The following SCIN variants were observed in gnomAD, a reference collection of about 807,000 sequenced individuals.
SCIN encodes the protein adseverin.
A neutral mutation model predicts 91.8 loss-of-function variants in SCIN; 91 were observed. That is an observed-to-expected ratio of 0.99 (90% CI 0.84 to 1.18). SCIN has a LOEUF of 1.18. Among genes scored for constraint, SCIN ranks in the 50% most tolerant of loss-of-function variants. The pLI is 0.00. For missense variants in SCIN, 1,087 were observed against 863.9 expected (o/e 1.26, Z -3.24); for synonymous variants, 367 against 312.6 (o/e 1.17, Z -1.84).
Position 12,578,180 on chromosome 7 carries a change from G to C in SCIN, c.316G>C (p.Asp106His). 1.3e-6 allele frequency: 2 copies of C among 1,549,408 alleles called. No individual in the cohort carries two copies. Among genetic ancestry groups the C allele is most frequent in the Non-Finnish European group, 1.7e-6 (2 of 1,145,954 alleles). The change falls in exon 2 of 16, where the codon GAC (aspartate) becomes CAC (histidine). Residue 106 changes from aspartate (D) to histidine (H), a missense_variant. By Grantham distance (81) the Asp-to-His change is moderately conservative (BLOSUM62 -1). Transcript: ENST00000297029. Reference protein sequence around the residue: ...NRELQGYESNDFVSYFKGGLK... With the variant: ...NRELQGYESNHFVSYFKGGLK... ...AGAACTTCAAGGATATGAGTCTAAT[G>C]ACTTTGTTAGCTATTTCAAAGGCGG... is the stretch of plus-strand genomic sequence containing the variant.
intron 11 of SCIN, among the ~76,000 whole-genome samples, chr7:12,642,051 G>A (rs984518639): frequency 6.6e-6 from 1 of 151,226 alleles, no homozygotes; most frequent in African/African-American, 2.4e-5. Flanking sequence ...TGTCTTGTAA[G>A]TGAATATTAT....
Position 12,622,960 on chromosome 7 carries a change from G to A in SCIN, c.759+67G>A, listed in dbSNP as rs1018211354. 6.1e-6 allele frequency: 7 copies of A among 1,148,980 alleles called. No individual in the cohort carries two copies. In the African/African-American group the frequency reaches 9.4e-5, roughly 15 times the overall value. The allele number at this position is 1,148,980 out of a possible 1,614,324, so 71.2% of individuals were successfully genotyped here. On this transcript the variant is annotated intron_variant, in intron 5 of 15. Transcript: ENST00000297029. ...GATGTAGCTAGGGAGGCCTGTATTG[G>A]GCGGGATTCCCGTTGCTGCAGTTGA...
chr7:12,583,173 A>G (rs1382481140), intron 3 of SCIN, among the ~76,000 whole-genome samples: 2 of 152,182 alleles, frequency 1.3e-5, no homozygotes, highest in Admixed American at 6.5e-5. Flanking sequence ...AATCTATTCA[A>G]TTATCATGAA....
chr7:12,645,318 A>G (rs551086595), intron 13 of SCIN, among the ~76,000 whole-genome samples: 2 of 152,132 alleles, frequency 1.3e-5, no homozygotes, highest in South Asian at 4.1e-4. Flanking sequence ...ACAGAGTGAG[A>G]CTCCATCTCA....
chr7:12,589,308 C>T (rs1315160338), intron 3 of SCIN: 1 of 151,692 alleles, frequency 6.6e-6, no homozygotes, highest in Non-Finnish European at 1.5e-5. Context: ...GCTCCGCCTC[C>T]CGGGTTCACC....
chr7:12,598,705 C>A (rs28570683), intron 3 of SCIN, among the ~76,000 whole-genome samples: 1,879 of 152,056 alleles, frequency 0.012, 38 homozygotes, highest in African/African-American at 0.042. Flanking sequence ...CCAGCTTGGG[C>A]AACATGGTAA....
intron 4 of SCIN, among the ~76,000 whole-genome samples, chr7:12,605,804 A>G (rs1029699711): frequency 2.0e-5 from 3 of 152,196 alleles, no homozygotes; most frequent in African/African-American, 7.2e-5. Flanking sequence ...TATTTAAAAT[A>G]TTTCAATCAT....
chr7:12,616,724 G>T (rs778764188), intron 4 of SCIN, among the ~76,000 whole-genome samples: 4 of 152,076 alleles, frequency 2.6e-5, no homozygotes, highest in Non-Finnish European at 5.9e-5. Context: ...AAGGTCGTAT[G>T]TACAAGACTA....
chr7:12,593,108 G>A (rs1233500809), intron 3 of SCIN, among the ~76,000 whole-genome samples: 3 of 152,238 alleles, frequency 2.0e-5, no homozygotes, highest in African/African-American at 7.2e-5. Context: ...TCTGCTGGCA[G>A]ACTAGGCAAG....
At chr7:12,613,242 AG>A (rs937409443) in intron 4 of SCIN, among the ~76,000 whole-genome samples, 1 of 152,216 alleles carries the variant, frequency 6.6e-6, no homozygotes, top group Non-Finnish European at 1.5e-5. Context: ...CAGTAATTTT[AG>A]GTCAAGTTCA....
At chr7:12,626,045 C>G (rs1259612922) in intron 7 of SCIN, 195 bp downstream of exon 7, 2 of 537,276 alleles carry the variant, frequency 3.7e-6, no homozygotes, top group Non-Finnish European at 6.5e-6. Flanking sequence ...AACTGCACAT[C>G]AGACTTTCCA....
At chr7:12,610,596 G>A (rs1382739523) in intron 4 of SCIN, among the ~76,000 whole-genome samples, 1 of 152,050 alleles carries the variant, frequency 6.6e-6, no homozygotes, top group Non-Finnish European at 1.5e-5. Flanking sequence ...TGTTTTTTAG[G>A]GGATAGTATG....
chr7:12,658,653 T>A lies in SCIN; in HGVS notation c.*5938T>A, dbSNP rs1039330431. The stretch of plus-strand genomic sequence containing the variant: ...GCCAGGTGCTTGGGGAACCTGGTTG[T>A]ACAGAAAGGTGATGCCAAGACTCTC... On this transcript the variant is annotated 3_prime_UTR_variant, in exon 16 of 16. Transcript: ENST00000297029. The A allele has an allele frequency of 6.6e-6, 1 of 152,194 alleles. No homozygotes were observed. The highest frequency in any genetic ancestry group is 1.5e-5 in the Non-Finnish European group (1 of 68,038). 9.4% of individuals were successfully genotyped at this position (152,194 alleles called of 1,614,324 possible). A position where few individuals can be genotyped will look rare whatever the true frequency, so the allele number is the denominator to read the frequency against.
chr7:12,627,338 T>G (rs1270075296), intron 8 of SCIN, among the ~76,000 whole-genome samples: 3 of 152,060 alleles, frequency 2.0e-5, no homozygotes, highest in African/African-American at 4.8e-5. Flanking sequence ...TACGCCTCCT[T>G]GGCAACTCAG....
In SCIN at chr7:12,657,563, T is replaced by TAC. The variant is rs1562642393; in HGVS notation, c.*4849_*4850insCA. 7.8e-3 allele frequency: 186 copies of TAC among 23,758 alleles called. 4 individuals are homozygous for TAC. Among genetic ancestry groups the TAC allele is most frequent in the African/African-American group, 0.024 (178 of 7,446 alleles). 1.5% of individuals were successfully genotyped at this position (23,758 alleles called of 1,614,324 possible). On this transcript the variant is annotated 3_prime_UTR_variant, in exon 16 of 16. Coordinates refer to ENST00000297029, the MANE Select transcript of SCIN (RefSeq NM_001112706.3). ...GTATATATATATATATATATATATA[T>TAC]ATATATATATTTTTTTTTTTTTTTT... is the stretch of plus-strand genomic sequence containing the variant.
intron 3 of SCIN, among the ~76,000 whole-genome samples, chr7:12,584,756 G>T (rs187850074): frequency 6.6e-6 from 1 of 152,262 alleles, no homozygotes; most frequent in African/African-American, 2.4e-5. Context: ...TATTAGTCAT[G>T]ATTTTCCCAT....
At chr7:12,577,423 T>G in intron 1 of SCIN, 4 of 402,016 alleles carry the variant, frequency 9.9e-6, no homozygotes, top group South Asian at 7.4e-5. Context: ...TCAAATGTTT[T>G]CATAGTCTGA....
chr7:12,605,922 C>T (rs1023147568), intron 4 of SCIN, among the ~76,000 whole-genome samples: 2 of 152,070 alleles, frequency 1.3e-5, no homozygotes, highest in African/African-American at 2.4e-5. Flanking sequence ...ATTTACTTAA[C>T]GATTATATGA....
chr7:12,581,257 A>C, intron 3 of SCIN, 36 bp downstream of exon 3: 1 of 1,538,276 alleles, frequency 6.5e-7, no homozygotes. Context: ...GTCTAAAGAA[A>C]AGTGAATTGC....
Sources: allele counts gnomAD v4.1 joint callset (sites outside exome capture counted in the v4.1 genomes callset), GRCh38; gene constraint gnomAD v4.1.1; transcripts MANE v1.5; gene names NCBI Gene and HGNC (gene_info 2026-07-23, HGNC 2026-07-21).